The following SLC8A1 variants were observed in gnomAD, a reference collection of about 807,000 sequenced individuals.
The protein encoded by SLC8A1 is sodium/calcium exchanger 1.
Under a neutral mutation model 68.3 loss-of-function variants are expected in SLC8A1, and 18 were observed. That is an observed-to-expected ratio of 0.26 (90% CI 0.18 to 0.39). The LOEUF is 0.39. Among genes scored for constraint, SLC8A1 ranks in the 10% least tolerant of loss-of-function variants. The pLI is 1.00. For synonymous variants in SLC8A1, 475 were observed against 415.5 expected (o/e 1.14, Z -1.74); for missense variants, 985 against 1,156.7 (o/e 0.85, Z 2.15).
chr2:40,343,545 T>G (rs1042658269), intron 2 of SLC8A1, among the ~76,000 whole-genome samples: 1 of 152,238 alleles, frequency 6.6e-6, no homozygotes, highest in Non-Finnish European at 1.5e-5. Flanking sequence ...CAGGTGACAG[T>G]GCTGGAGCTC....
At chr2:40,399,997 A>G (rs1417464175) in intron 2 of SLC8A1, among the ~76,000 whole-genome samples, 1 of 152,184 alleles carries the variant, frequency 6.6e-6, no homozygotes, top group Non-Finnish European at 1.5e-5. Context: ...TGTATAGAAA[A>G]GCACTGTGAA....
At chr2:40,119,175 A>C (rs897376322) in intron 7 of SLC8A1, among the ~76,000 whole-genome samples, 3 of 152,134 alleles carry the variant, frequency 2.0e-5, no homozygotes, top group African/African-American at 7.2e-5. Context: ...CCTATTTTCA[A>C]ATGTCTTTCT....
chr2:40,272,955 G>A (rs928443490), intron 2 of SLC8A1, among the ~76,000 whole-genome samples: 1 of 152,004 alleles, frequency 6.6e-6, no homozygotes, highest in African/African-American at 2.4e-5. Context: ...CTTTTGTTTT[G>A]TTTTTGAGAT....
chr2:40,346,047 TAAAAAAAAAAAAA>T (rs774555210), intron 2 of SLC8A1, among the ~76,000 whole-genome samples: 3 of 41,696 alleles, frequency 7.2e-5, no homozygotes, highest in South Asian at 8.9e-4. Flanking sequence ...ACATTAACAG[TAAAAAAAAAAAAA>T]AAAAAAAAAA....
At chr2:40,342,801 G>T (rs749347526) in intron 2 of SLC8A1, among the ~76,000 whole-genome samples, 1 of 152,084 alleles carries the variant, frequency 6.6e-6, no homozygotes, top group Non-Finnish European at 1.5e-5. Context: ...GAGAATCTTG[G>T]TTGTTACTAA....
At chr2:40,340,834 G>C (rs142737561) in intron 2 of SLC8A1, among the ~76,000 whole-genome samples, 1 of 152,116 alleles carries the variant, frequency 6.6e-6, no homozygotes, top group Non-Finnish European at 1.5e-5. Flanking sequence ...GAAAAAGTTT[G>C]AAGGAGTTAT....
At position 40,481,501 on chromosome 2, in the gene SLC8A1, T is replaced by A. The variant is rs144705228; in HGVS notation, c.-25+30848A>T. 3.7e-4 allele frequency among the ~76,000 whole-genome samples: 57 copies of A among 152,336 alleles called. 2 individuals carry two copies. In the East Asian group the frequency reaches 0.011, roughly 29 times the overall value. The stretch of plus-strand genomic sequence containing the variant: ...TTTTCTTACAGAACTGTTGTAAGAA[T>A]GCAACCAGATTTTTTAGCTTCTAGT... On this transcript the variant is annotated intron_variant, in intron 1 of 7. Transcript: ENST00000402441.
chr2:40,385,899 A>G (rs1233385975), intron 2 of SLC8A1, among the ~76,000 whole-genome samples: 8 of 151,396 alleles, frequency 5.3e-5, no homozygotes, highest in Non-Finnish European at 1.2e-4. Flanking sequence ...TGATGATAGA[A>G]TATTATTCCA....
chr2:40,270,289 G>A (rs1237903219), intron 2 of SLC8A1, among the ~76,000 whole-genome samples: 1 of 152,220 alleles, frequency 6.6e-6, no homozygotes, highest in Non-Finnish European at 1.5e-5. Context: ...GTGTAGGAAG[G>A]TATATTCCTT....
At chr2:40,115,778 T>A in intron 7 of SLC8A1, 149 bp from the exon 11 acceptor site, 1 of 1,032,226 alleles carries the variant, frequency 9.7e-7, no homozygotes, top group Non-Finnish European at 1.4e-6. Flanking sequence ...TGAGTCAGAC[T>A]CATGGGGTGA....
intron 2 of SLC8A1, chr2:40,254,484 C>G (rs2514): frequency 3.5e-5 from 4 of 114,368 alleles, no homozygotes; most frequent in Non-Finnish European, 5.9e-5. Context: ...TAAAGAATTA[C>G]TCTCTTGAAC....
chr2:40,098,140 A>G (rs1329499881), exon 8 of SLC8A1: 1 of 152,056 alleles, frequency 6.6e-6, no homozygotes, highest in Non-Finnish European at 1.5e-5. Context: ...TTATAGTCCT[A>G]AAGGAAACTA....
intron 2 of SLC8A1, among the ~76,000 whole-genome samples, chr2:40,266,152 A>T (rs1406495936): frequency 3.9e-5 from 6 of 152,212 alleles, no homozygotes; most frequent in Admixed American, 2.0e-4. Flanking sequence ...AAGTTGAAAT[A>T]TGTGTGCATT....
chr2:40,148,317 T>G (rs1199358616), intron 6 of SLC8A1, among the ~76,000 whole-genome samples: 1 of 152,206 alleles, frequency 6.6e-6, no homozygotes, highest in Non-Finnish European at 1.5e-5. Context: ...TTCTCCTCAT[T>G]TTGGTGGCAA....
At chr2:40,139,282 T>A in intron 7 of SLC8A1, 119 bp downstream of exon 10, 6 of 1,116,544 alleles carry the variant, frequency 5.4e-6, no homozygotes, top group Non-Finnish European at 7.7e-6. Flanking sequence ...ACCTCAGGGC[T>A]CTCGTCTTTC....
At chr2:40,231,507 T>C (rs1470566631) in intron 2 of SLC8A1, among the ~76,000 whole-genome samples, 1 of 152,126 alleles carries the variant, frequency 6.6e-6, no homozygotes, top group Non-Finnish European at 1.5e-5. Flanking sequence ...TTTTTTTTAT[T>C]TTCTTTGAGT....
chr2:40,401,443 T>A (rs557787801), intron 2 of SLC8A1, among the ~76,000 whole-genome samples: 1 of 152,058 alleles, frequency 6.6e-6, no homozygotes, highest in African/African-American at 2.4e-5. Flanking sequence ...TTAACATGAT[T>A]CTTTGTATTA....
At chr2:40,350,814 G>T (rs1670851403) in intron 2 of SLC8A1, among the ~76,000 whole-genome samples, 1 of 152,004 alleles carries the variant, frequency 6.6e-6, no homozygotes, top group South Asian at 2.1e-4. Context: ...GCCAGAATGT[G>T]TAGTAGGCAC....
At position 40,307,146 on chromosome 2, in the gene SLC8A1, T is replaced by TACACACACACACACACAC. The variant is rs144335092; in HGVS notation, c.1808+121309_1808+121326dup. 8.2e-3 allele frequency among the ~76,000 whole-genome samples: 1,223 copies of TACACACACACACACACAC among 148,244 alleles called. 9 individuals carry two copies. Among genetic ancestry groups the TACACACACACACACACAC allele is most frequent in the Non-Finnish European group, 0.01 (689 of 66,814 alleles). On this transcript the variant is annotated intron_variant, in intron 2 of 7. Transcript: ENST00000406785. The stretch of plus-strand genomic sequence containing the variant: ...ATGACTGGCTAAAGAAAATGTGATA[T>TACACACACACACACACAC]ACACACACACACACACACACACACA...
Sources: gnomAD v4.1 joint callset for allele counts (sites outside exome capture counted in the v4.1 genomes callset) on GRCh38, gnomAD v4.1.1 for gene constraint, MANE v1.5 for transcripts, NCBI Gene and HGNC (gene_info 2026-07-23, HGNC 2026-07-21) for gene names.